SLC25A21: variants seen among roughly 807,000 people sequenced by gnomAD.
The protein encoded by SLC25A21 is solute carrier family 25 member 21, also known as mitochondrial 2-oxodicarboxylate carrier.
Under a neutral mutation model 43.8 loss-of-function variants are expected in SLC25A21, and 47 were observed. That is an observed-to-expected ratio of 1.07 (90% confidence interval 0.85 to 1.37). The LOEUF is 1.37. SLC25A21 is among the 40% of genes most tolerant of loss of function. The pLI is 0.00. For missense variants in SLC25A21, 352 were observed against 350.2 expected (o/e 1.00, Z -0.04); for synonymous variants, 131 against 121.3 (o/e 1.08, Z -0.52).
chr14:36,945,796 G>GA (rs1892666927), intron 1 of SLC25A21, among the ~76,000 whole-genome samples: 2 of 152,156 alleles, frequency 1.3e-5, no homozygotes, highest in Admixed American at 1.3e-4. Flanking sequence ...GAATGGTGGA[G>GA]ATGGCTGTGC....
Position 37,164,243 on chromosome 14 carries a change from T to G in SLC25A21, c.70+8038A>C, listed in dbSNP as rs185774301. Among the ~76,000 whole-genome samples the G allele has an allele frequency of 2.0e-3, 303 of 152,316 alleles. 4 individuals carry two copies. Among genetic ancestry groups the G allele is most frequent in the Non-Finnish European group, 8.7e-4 (59 of 68,032 alleles). ...AATTCTGATTTTTGAGAACTAGATT[T>G]TCTTAAAGAGAGACAAGATTACATT... On this transcript the variant is annotated intron_variant, in intron 1 of 9. Coordinates refer to ENST00000331299, the MANE Select transcript of SLC25A21 (RefSeq NM_030631.4).
At chr14:37,074,155 G>A (rs1031580813) in intron 1 of SLC25A21, among the ~76,000 whole-genome samples, 2 of 151,110 alleles carry the variant, frequency 1.3e-5, no homozygotes, top group South Asian at 2.1e-4. Flanking sequence ...AAATGAACAA[G>A]TATCTTCAAT....
At chr14:37,104,674 A>G (rs542867877) in intron 1 of SLC25A21, among the ~76,000 whole-genome samples, 49 of 152,340 alleles carry the variant, frequency 3.2e-4, no homozygotes, top group African/African-American at 1.1e-3. Flanking sequence ...AAAATAGGAA[A>G]GTATTTTTGG....
At chr14:36,895,628 T>C (rs1232895203) in intron 1 of SLC25A21, among the ~76,000 whole-genome samples, 1 of 152,224 alleles carries the variant, frequency 6.6e-6, no homozygotes, top group Non-Finnish European at 1.5e-5. Context: ...TTAATTGTGA[T>C]GTTAGGGTGT....
intron 2 of SLC25A21, among the ~76,000 whole-genome samples, chr14:36,863,734 G>A (rs561512350): frequency 6.6e-6 from 1 of 152,256 alleles, no homozygotes; most frequent in South Asian, 2.1e-4. Flanking sequence ...TTTCCTCAAT[G>A]CCTCAGGCAA....
intron 1 of SLC25A21, among the ~76,000 whole-genome samples, chr14:36,891,469 T>C (rs1464204938): frequency 3.9e-5 from 6 of 152,170 alleles, no homozygotes; most frequent in African/African-American, 7.2e-5. Flanking sequence ...ATTTCTATTA[T>C]AACTCTGATT....
intron 1 of SLC25A21, among the ~76,000 whole-genome samples, chr14:36,930,199 A>G (rs767270786): frequency 1.3e-5 from 2 of 152,172 alleles, no homozygotes; most frequent in Non-Finnish European, 2.9e-5. Context: ...CCCCAGAACT[A>G]GACATATTAA....
At chr14:37,154,941 C>A (rs937615030) in intron 1 of SLC25A21, among the ~76,000 whole-genome samples, 1 of 151,880 alleles carries the variant, frequency 6.6e-6, no homozygotes, top group Non-Finnish European at 1.5e-5. Context: ...CACGCCCGGC[C>A]GATATCTTTT....
At chr14:36,845,399 G>T (rs571225191) in intron 2 of SLC25A21, among the ~76,000 whole-genome samples, 3 of 152,302 alleles carry the variant, frequency 2.0e-5, no homozygotes, top group Non-Finnish European at 4.4e-5. Context: ...CATGCACAAT[G>T]CACACTTTAT....
intron 1 of SLC25A21, among the ~76,000 whole-genome samples, chr14:37,003,021 A>G (rs1263761795): frequency 6.6e-6 from 1 of 152,246 alleles, no homozygotes; most frequent in Non-Finnish European, 1.5e-5. Context: ...CTAAGAATAC[A>G]GTAGTCTCCC....
intron 1 of SLC25A21, among the ~76,000 whole-genome samples, chr14:37,144,811 T>C (rs1963632275): frequency 6.6e-6 from 1 of 152,086 alleles, no homozygotes; most frequent in South Asian, 2.1e-4. Flanking sequence ...TTTAGTATTT[T>C]TAGTAGAGAT....
intron 1 of SLC25A21, among the ~76,000 whole-genome samples, chr14:37,014,421 T>G (rs1045207786): frequency 2.0e-5 from 3 of 152,172 alleles, no homozygotes; most frequent in Non-Finnish European, 4.4e-5. Context: ...AAGAAACCAC[T>G]TTCTTTGCTC....
chr14:36,800,483 A>C (rs1167941993), intron 3 of SLC25A21, among the ~76,000 whole-genome samples: 1 of 152,220 alleles, frequency 6.6e-6, no homozygotes, highest in Admixed American at 6.6e-5. Context: ...AGTCAGTCAC[A>C]AAAGAACAAA....
chr14:36,935,279 T>C (rs1439681463), intron 1 of SLC25A21, among the ~76,000 whole-genome samples: 1 of 152,106 alleles, frequency 6.6e-6, no homozygotes, highest in Non-Finnish European at 1.5e-5. Context: ...TTATCACCCA[T>C]ATCTTTCCAT....
intron 1 of SLC25A21, among the ~76,000 whole-genome samples, chr14:36,967,930 C>G (rs572230867): frequency 1.3e-5 from 2 of 152,156 alleles, no homozygotes; most frequent in Non-Finnish European, 2.9e-5. Context: ...GTCACCCAAA[C>G]GAGTGCCACA....
chr14:37,040,266 GGGA>G (rs1594764766), intron 1 of SLC25A21, among the ~76,000 whole-genome samples: 1 of 39,916 alleles, frequency 2.5e-5, no homozygotes, highest in African/African-American at 3.0e-4. Flanking sequence ...GAGGGAGGGA[GGGA>G]GGAAGGAAGG....
chr14:37,095,729 A>C (rs1837864893), intron 1 of SLC25A21, among the ~76,000 whole-genome samples: 1 of 152,016 alleles, frequency 6.6e-6, no homozygotes, highest in Admixed American at 6.6e-5. Context: ...ATCTCTACTA[A>C]AACATAAAAA....
At chr14:36,805,525 C>T (rs1291936495) in intron 3 of SLC25A21, among the ~76,000 whole-genome samples, 2 of 152,148 alleles carry the variant, frequency 1.3e-5, no homozygotes. Context: ...GGAACTGTTA[C>T]TTTACAACCC....
At chr14:37,124,184 C>T (rs937277378) in intron 1 of SLC25A21, among the ~76,000 whole-genome samples, 2 of 151,930 alleles carry the variant, frequency 1.3e-5, no homozygotes, top group African/African-American at 2.4e-5. Flanking sequence ...CCTGTCTCCA[C>T]CTCTCAAAGT....
Sources: allele counts gnomAD v4.1 joint callset (sites outside exome capture counted in the v4.1 genomes callset), GRCh38; gene constraint gnomAD v4.1.1; transcripts MANE v1.5; gene names NCBI Gene and HGNC (gene_info 2026-07-23, HGNC 2026-07-21).